ATP9B: variants seen among roughly 807,000 people sequenced by gnomAD.
ATP9B encodes probable phospholipid-transporting ATPase IIB.
A neutral mutation model predicts 146.1 loss-of-function variants in ATP9B; 110 were observed. The ratio of observed to expected loss-of-function variants is 0.75; its 90% confidence interval spans 0.65 to 0.88. The LOEUF (loss-of-function observed/expected upper bound fraction) is 0.88. Ranked by LOEUF, ATP9B falls within the 40% of genes least tolerant of loss-of-function variation. ATP9B has a pLI of 0.00. For synonymous variants in ATP9B, 604 were observed against 569.7 expected, an observed-to-expected ratio of 1.06 and a Z score of -0.86; for missense variants, 1,499 against 1,496.4, an observed-to-expected ratio of 1.00 and a Z score of -0.03.
intron 6 of ATP9B, among the ~76,000 whole-genome samples, chr18:79,151,652 C>T (rs2094691196): frequency 1.3e-5 from 2 of 151,896 alleles, no homozygotes; most frequent in South Asian, 2.1e-4. Flanking sequence ...CTCCAATCAG[C>T]GTGCCTTGGC....
At chr18:79,118,144 A>G (rs554582552) in intron 4 of ATP9B, among the ~76,000 whole-genome samples, 1 of 152,096 alleles carries the variant, frequency 6.6e-6, no homozygotes, top group Non-Finnish European at 1.5e-5. Flanking sequence ...ATTTTTTACC[A>G]TTATAAATAT....
intron 15 of ATP9B, among the ~76,000 whole-genome samples, chr18:79,327,581 T>G (rs867328351): frequency 1.5e-5 from 2 of 137,748 alleles, no homozygotes; most frequent in African/African-American, 5.7e-5. Context: ...TAGCGTGCTC[T>G]CCGTGGTTAA....
At chr18:79,112,154 G>A (rs1379504821) in intron 3 of ATP9B, among the ~76,000 whole-genome samples, 5 of 152,154 alleles carry the variant, frequency 3.3e-5, no homozygotes, top group African/African-American at 1.2e-4. Flanking sequence ...AAAACAAGTT[G>A]CAGACTCTCT....
chr18:79,369,665 G>A (rs1390923852), intron 26 of ATP9B, among the ~76,000 whole-genome samples: 1 of 152,164 alleles, frequency 6.6e-6, no homozygotes, highest in African/African-American at 2.4e-5. Flanking sequence ...CTGGTCCCAT[G>A]CCACGGTGCC....
At chr18:79,080,007 A>G (rs1483191587) in intron 1 of ATP9B, among the ~76,000 whole-genome samples, 1 of 151,692 alleles carries the variant, frequency 6.6e-6, no homozygotes, top group South Asian at 2.1e-4. Flanking sequence ...TTGGTCTATA[A>G]CTCTGTTTTG....
At chr18:79,070,338 ACATAT>A (rs2146333555) in intron 1 of ATP9B, among the ~76,000 whole-genome samples, 1 of 152,274 alleles carries the variant, frequency 6.6e-6, no homozygotes, top group East Asian at 1.9e-4. Flanking sequence ...TGAGAGACTA[ACATAT>A]AGCTCAAAGT....
chr18:79,237,832 A>G (rs1160176283), intron 11 of ATP9B, among the ~76,000 whole-genome samples: 1 of 151,836 alleles, frequency 6.6e-6, no homozygotes, highest in Non-Finnish European at 1.5e-5. Context: ...GAGGGACTAC[A>G]GGCACATGCC....
chr18:79,280,093 T>C (rs1233215089), intron 13 of ATP9B, among the ~76,000 whole-genome samples: 1 of 152,194 alleles, frequency 6.6e-6, no homozygotes, highest in African/African-American at 2.4e-5. Flanking sequence ...AAAAAGTTTA[T>C]CAAAAATAGA....
chr18:79,118,484 T>C (rs968270917), intron 4 of ATP9B, among the ~76,000 whole-genome samples: 1 of 132,602 alleles, frequency 7.5e-6, no homozygotes, highest in African/African-American at 2.8e-5. Flanking sequence ...CACTGCAAGC[T>C]CCGCCTCCCG....
intron 12 of ATP9B, among the ~76,000 whole-genome samples, chr18:79,274,912 G>A (rs532189406): frequency 6.6e-6 from 1 of 152,176 alleles, no homozygotes; most frequent in Non-Finnish European, 1.5e-5. Context: ...CACGGAAACG[G>A]TTTCATGAGC....
chr18:79,286,323 A>T (rs2096441037), intron 13 of ATP9B, among the ~76,000 whole-genome samples: 1 of 152,080 alleles, frequency 6.6e-6, no homozygotes, highest in South Asian at 2.1e-4. Flanking sequence ...CTCCTTGAAG[A>T]AGTCCTTCAC....
chr18:79,327,471 T>C (rs1257149476), intron 15 of ATP9B, among the ~76,000 whole-genome samples: 1 of 150,832 alleles, frequency 6.6e-6, no homozygotes, highest in East Asian at 2.0e-4. Context: ...TAGCGTGTTC[T>C]CCGTGGTTAG....
intron 23 of ATP9B, among the ~76,000 whole-genome samples, chr18:79,346,841 C>G (rs1041648443): frequency 7.2e-5 from 11 of 152,266 alleles, no homozygotes; most frequent in African/African-American, 1.9e-4. Flanking sequence ...GTCAGCACAG[C>G]CTGAAGAGCC....
chr18:79,181,916 C>T (rs1056290984), intron 8 of ATP9B, among the ~76,000 whole-genome samples: 7 of 152,090 alleles, frequency 4.6e-5, no homozygotes, highest in African/African-American at 1.7e-4. Context: ...TTTTGGCCCT[C>T]GTTATAGGCC....
At chr18:79,324,241 C>G (rs1200318340) in intron 15 of ATP9B, among the ~76,000 whole-genome samples, 1 of 152,046 alleles carries the variant, frequency 6.6e-6, no homozygotes, top group Non-Finnish European at 1.5e-5. Context: ...AATATTTTCT[C>G]TCATTCTGTG....
rs1054481541 is a variant in ATP9B at position 79,220,582 on chromosome 18, C to T, written c.1107+6544C>T. 2.0e-5 allele frequency among the ~76,000 whole-genome samples: 3 copies of T among 152,056 alleles called. No individual in the cohort carries two copies. In the South Asian group the frequency reaches 6.2e-4, roughly 32 times the overall value. On this transcript the variant is annotated intron_variant, in intron 11 of 29. Coordinates refer to ENST00000426216, the MANE Select transcript of ATP9B (RefSeq NM_198531.5). ...CACCACTGCACTCCAGCCTGGGCAG[C>T]AGAGTGAGACCCTGTCTCATTAAGA...
At chr18:79,255,473 AAT>A (rs2096068633) in intron 12 of ATP9B, among the ~76,000 whole-genome samples, 1 of 152,224 alleles carries the variant, frequency 6.6e-6, no homozygotes, top group Non-Finnish European at 1.5e-5. Context: ...CATACACATG[AAT>A]GAGCCCTAAT....
intron 25 of ATP9B, among the ~76,000 whole-genome samples, chr18:79,348,845 G>A (rs568215589): frequency 1.3e-5 from 2 of 152,330 alleles, no homozygotes; most frequent in Non-Finnish European, 2.9e-5. Context: ...TTAGCCAGGC[G>A]TGGTGGTGTG....
At chr18:79,252,509 G>T (rs564965033) in intron 11 of ATP9B, among the ~76,000 whole-genome samples, 1 of 152,186 alleles carries the variant, frequency 6.6e-6, no homozygotes, top group African/African-American at 2.4e-5. Flanking sequence ...AGTCCATAGC[G>T]ATTGCTAGAG....
Sources: gnomAD v4.1 joint callset for allele counts (sites outside exome capture counted in the v4.1 genomes callset) on GRCh38, gnomAD v4.1.1 for gene constraint, MANE v1.5 for transcripts, NCBI Gene and HGNC (gene_info 2026-07-23, HGNC 2026-07-21) for gene names.